Variants in HEATR9 observed in about 807,000 individuals in gnomAD.
The protein encoded by HEATR9 is HEAT repeat containing 9, also known as protein HEATR9.
Under a neutral mutation model 68.2 loss-of-function variants are expected in HEATR9, and 54 were observed. That is an observed-to-expected ratio of 0.79 (90% CI 0.64 to 0.99). HEATR9 has a LOEUF of 0.99. HEATR9 is among the 50% of genes least tolerant of loss of function. The pLI is 0.00. For missense variants in HEATR9, 662 were observed against 679.7 expected (o/e 0.97, Z 0.29); for synonymous variants, 241 against 253.5 (o/e 0.95, Z 0.47).
At chr17:35,865,435 C>T in intron 2 of HEATR9, 39 bp from the exon 3 acceptor site, 1 of 1,568,260 alleles carries the variant, frequency 6.4e-7, no homozygotes. Flanking sequence ...GAGGGGTCCC[C>T]TAGGCCCTTA....
intron 11 of HEATR9, among the ~76,000 whole-genome samples, chr17:35,857,263 G>A (rs758457676): frequency 1.3e-5 from 2 of 152,144 alleles, no homozygotes; most frequent in Non-Finnish European, 1.5e-5. Flanking sequence ...TGGGACAACA[G>A]GTATAAATCA....
intron 8 of HEATR9, 181 bp downstream of exon 8, chr17:35,862,814 A>G (rs755704610): frequency 1.3e-6 from 1 of 775,736 alleles, no homozygotes; most frequent in Non-Finnish European, 2.0e-6. Context: ...CTTTTCAGAA[A>G]TGGACTAGTA....
At position 35,859,053 on chromosome 17, in the gene HEATR9, A is replaced by C; in HGVS notation, c.774T>G (p.Asp258Glu). ...VSKDKRTQVG[D>E]EGKLVPVLQT... Reference sequence around the variant, plus strand: ...GTAGTACAGGCACCAGCTTGCCCTCATCCCCGACTTGAGTCCTCTGTGAGG... The same window carrying C: ...GTAGTACAGGCACCAGCTTGCCCTCCTCCCCGACTTGAGTCCTCTGTGAGG... The change falls in exon 9 of 15, where the codon GAT becomes GAG. Residue 258 changes from aspartate (D) to glutamate (E), a missense_variant. Transcript: ENST00000604834. 6.2e-7 allele frequency: 1 copy of C among 1,614,152 alleles called. No individual in the cohort carries two copies. The highest frequency in any genetic ancestry group is 1.1e-5 in the South Asian group (1 of 91,076).
At chr17:35,856,634 CACTG>C (rs2087781759) in intron 12 of HEATR9, 94 bp downstream of exon 12, 1 of 1,090,890 alleles carries the variant, frequency 9.2e-7, no homozygotes. Context: ...TCTCAGCTCT[CACTG>C]ACCCTCTGAC....
intron 1 of HEATR9, among the ~76,000 whole-genome samples, chr17:35,868,167 G>A (rs2088276043): frequency 6.6e-6 from 1 of 152,222 alleles, no homozygotes; most frequent in Non-Finnish European, 1.5e-5. Context: ...AGAGACAGAA[G>A]TGTTTCTTAG....
chr17:35,861,446 T>TA (rs1413410710), intron 8 of HEATR9: 1 of 1,597,706 alleles, frequency 6.3e-7, no homozygotes, highest in African/African-American at 1.3e-5. Context: ...CGCTTCTTTT[T>TA]AAAGTTTCTA....
intron 2 of HEATR9, among the ~76,000 whole-genome samples, chr17:35,865,987 C>T (rs987865603): frequency 3.9e-5 from 6 of 152,096 alleles, no homozygotes; most frequent in Non-Finnish European, 4.4e-5. Context: ...GTGAAACTAC[C>T]GCTGTCACTG....
chr17:35,855,559 A>T, intron 14 of HEATR9, 105 bp downstream of exon 14: 1 of 1,314,726 alleles, frequency 7.6e-7, no homozygotes, highest in Non-Finnish European at 1.1e-6. Context: ...CTAAGGGCTC[A>T]TGACCCTCTC....
In HEATR9 at chr17:35,855,371, A is replaced by C. The variant is rs200202281; in HGVS notation, c.1405T>G (p.Trp469Gly). 318 of 1,613,940 alleles carry C rather than the reference A, an allele frequency of 2.0e-4. No homozygotes were observed. Among genetic ancestry groups the C allele is most frequent in the Non-Finnish European group, 2.6e-4 (306 of 1,179,986 alleles). The change falls in exon 15 of 15, where the codon TGG becomes GGG. Residue 469 changes from tryptophan (W) to glycine (G), a missense_variant. Trp to Gly is a radical substitution (Grantham distance 184, BLOSUM62 -2). Coordinates refer to ENST00000604834, the MANE Select transcript of HEATR9 (RefSeq NM_152781.4). ...TTGTTTTTCAGCTTGTTTTGGATCC[A>C]GGGATCAATTGAGGCACAAAGGATT... is the stretch of plus-strand genomic sequence containing the variant. ...TLILCASIDP[W>G]IQNKLKNKVL... is the part of the protein sequence containing the mutation.
chr17:35,861,218 CTTTA>C, intron 8 of HEATR9: 1 of 1,591,754 alleles, frequency 6.3e-7, no homozygotes, highest in South Asian at 1.1e-5. Context: ...TTCTGTAGCT[CTTTA>C]TTTTTCTACA....
At position 35,865,208 on chromosome 17, in the gene HEATR9, A is replaced by G; in HGVS notation, c.320+7T>C. 6.2e-7 allele frequency: 1 copy of G among 1,612,262 alleles called. No individual in the cohort carries two copies. On this transcript the variant is annotated splice_region_variant and intron_variant, in intron 3 of 14. Coordinates refer to ENST00000604834, the MANE Select transcript of HEATR9 (RefSeq NM_152781.4). ...GTGAGAAGAATATGGAGGCCAGCAA[A>G]ACACACCTACAGTCATCTCTCATTT...
rs1336688967 is a variant in HEATR9, at chr17:35,868,847, G to A, written c.-105C>T. The A allele has an allele frequency of 1.0e-6, 1 of 969,028 alleles. No homozygotes were observed. The highest frequency in any genetic ancestry group is 2.5e-5 in the East Asian group (1 of 40,420). 60.0% of individuals were successfully genotyped at this position (969,028 alleles called of 1,614,324 possible). A position where few individuals can be genotyped will look rare whatever the true frequency, so the allele number is the denominator to read the frequency against. On this transcript the variant is annotated 5_prime_UTR_variant, in exon 1 of 15. Coordinates refer to ENST00000604834, the MANE Select transcript of HEATR9 (RefSeq NM_152781.4). Reference sequence around the variant, plus strand: ...AGACCTGTCCTCTGTGGTACGAGAGGTACAGGGGAGGTGTCTGGACTTCTG... The same window carrying A: ...AGACCTGTCCTCTGTGGTACGAGAGATACAGGGGAGGTGTCTGGACTTCTG...
At chr17:35,866,841 C>T (rs951179267) in intron 1 of HEATR9, 68 bp from the exon 2 acceptor site, 6 of 1,506,506 alleles carry the variant, frequency 4.0e-6, no homozygotes, top group Non-Finnish European at 5.5e-6. Flanking sequence ...GGCTTGGTGG[C>T]TTCTGCCTGT....
At chr17:35,858,358 G>A (rs1402326698) in intron 10 of HEATR9, 39 bp from the exon 11 acceptor site, 3 of 1,614,014 alleles carry the variant, frequency 1.9e-6, no homozygotes, top group African/African-American at 1.3e-5. Flanking sequence ...AGGTGTGAAA[G>A]ATGGATTCCC....
chr17:35,858,887 C>G lies in HEATR9; in HGVS notation c.939+1G>C, dbSNP rs780371606. 1.2e-6 allele frequency: 2 copies of G among 1,613,162 alleles called. No individual in the cohort carries two copies. Among genetic ancestry groups the G allele is most frequent in the Non-Finnish European group, 1.7e-6 (2 of 1,179,704 alleles). ...GGATCCCAGCCTCCTGCCCCTCACACCTTCATCCGCTGGGTCTTGAGTCCT... is the reference window on the plus strand; with the variant it reads ...GGATCCCAGCCTCCTGCCCCTCACAGCTTCATCCGCTGGGTCTTGAGTCCT... On this transcript the variant is annotated splice_donor_variant, in intron 9 of 14. Coordinates refer to ENST00000604834, the MANE Select transcript of HEATR9 (RefSeq NM_152781.4). LOFTEE classifies it high-confidence loss of function.
intron 8 of HEATR9, among the ~76,000 whole-genome samples, chr17:35,859,843 C>G (rs983747943): frequency 2.6e-5 from 4 of 152,184 alleles, no homozygotes; most frequent in Admixed American, 6.5e-5. Flanking sequence ...CAATTCACAC[C>G]CTTTCTGGAA....
At position 35,865,188 on chromosome 17, in the gene HEATR9, AAGAATATGG is replaced by A. The variant is rs754854716; in HGVS notation, c.320+18_320+26del. 1.2e-6 allele frequency: 2 copies of A among 1,603,784 alleles called. No individual in the cohort carries two copies. The highest frequency in any genetic ancestry group is 2.2e-5 in the East Asian group (1 of 44,860). On this transcript the variant is annotated intron_variant, in intron 3 of 14. Transcript: ENST00000604834. ...TTTCCTAGAAGATGTGGAGGGTGAGAAGAATATGGAGGCCAGCAAAACACACCTACAGTC... is the reference window on the plus strand; with the variant it reads ...TTTCCTAGAAGATGTGGAGGGTGAGAAGGCCAGCAAAACACACCTACAGTC...
chr17:35,861,338 C>T, intron 8 of HEATR9: 1 of 1,483,422 alleles, frequency 6.7e-7, no homozygotes, highest in Non-Finnish European at 9.4e-7. Context: ...TTGATAGGTT[C>T]ATTTCTATGT....
In HEATR9 at chr17:35,855,729, G is replaced by A. The variant is rs143590517; in HGVS notation, c.1300C>T (p.Pro434Ser). Reference protein sequence around the residue: ...ISLGVLGIRSPQVFHLLLDLL... With the variant: ...ISLGVLGIRSSQVFHLLLDLL... ...TCCAGGAGCAAGTGGAACACTTGTG[G>A]ACTGCGGATCCCCAGGACACCCTGG... Residue 434 changes from proline to serine, a missense_variant, in exon 14 of 15, where the codon CCA becomes TCA. By Grantham distance (74) the Pro-to-Ser change is moderately conservative (BLOSUM62 -1). Transcript: ENST00000604834. 4 of 1,614,030 alleles carry A rather than the reference G, an allele frequency of 2.5e-6. No homozygotes were observed. The highest frequency in any genetic ancestry group is 3.4e-6 in the Non-Finnish European group (4 of 1,179,990).
Sources: allele counts gnomAD v4.1 joint callset (sites outside exome capture counted in the v4.1 genomes callset), GRCh38; gene constraint gnomAD v4.1.1; transcripts MANE v1.5; gene names NCBI Gene and HGNC (gene_info 2026-07-23, HGNC 2026-07-21).